The following ENTREP2 variants were observed in gnomAD, a reference collection of about 807,000 sequenced individuals.
The protein encoded by ENTREP2 is protein ENTREP2.
the ENTREP2 span, among the ~76,000 whole-genome samples, chr15:29,382,964 C>T: frequency 1.3e-5 from 2 of 152,170 alleles, no homozygotes; most frequent in African/African-American, 4.8e-5. Flanking sequence ...GGCTGAGGCT[C>T]CCTCCCATCT....
At chr15:29,182,006 G>A in the ENTREP2 span, among the ~76,000 whole-genome samples, 41 of 151,962 alleles carry the variant, frequency 2.7e-4, no homozygotes, top group Non-Finnish European at 5.3e-4. Context: ...TCAATGTGAA[G>A]ACTGGAAAAG....
At chr15:29,624,871 T>TTGTGTGTG in the ENTREP2 span, among the ~76,000 whole-genome samples, 2,109 of 143,674 alleles carry the variant, frequency 0.015, 40 homozygotes, top group African/African-American at 0.042. Flanking sequence ...CTGCATTAAT[T>TTGTGTGTG]TGTGTGTGTG....
chr15:29,518,384 T>C, the ENTREP2 span, among the ~76,000 whole-genome samples: 1 of 152,188 alleles, frequency 6.6e-6, no homozygotes, highest in African/African-American at 2.4e-5. Context: ...GAATGTTTTA[T>C]AGCAGGTATT....
At chr15:29,650,435 A>C in the ENTREP2 span, among the ~76,000 whole-genome samples, 1 of 152,046 alleles carries the variant, frequency 6.6e-6, no homozygotes, top group Admixed American at 6.6e-5. Flanking sequence ...TCTACTAAAA[A>C]TACAAAAATT....
the ENTREP2 span, among the ~76,000 whole-genome samples, chr15:29,183,270 G>A: frequency 1.3e-5 from 2 of 152,186 alleles, no homozygotes; most frequent in African/African-American, 4.8e-5. Flanking sequence ...CAGGGAGTTA[G>A]CAGATCAAAA....
At chr15:29,579,712 TTTTTTTTTTTTTTTTTG>T in the ENTREP2 span, among the ~76,000 whole-genome samples, 2 of 42,870 alleles carry the variant, frequency 4.7e-5, no homozygotes, top group African/African-American at 1.4e-4. Context: ...TTTTTTTTTT[TTTTTTTTTTTTTTTTTG>T]AGACGGAGTC....
At chr15:29,164,040 C>A in the ENTREP2 span, among the ~76,000 whole-genome samples, 4 of 152,134 alleles carry the variant, frequency 2.6e-5, no homozygotes, top group Non-Finnish European at 5.9e-5. Context: ...CGATTATCAG[C>A]TAAGAATTTT....
the ENTREP2 span, among the ~76,000 whole-genome samples, chr15:29,261,187 A>G: frequency 6.6e-6 from 1 of 152,164 alleles, no homozygotes; most frequent in Non-Finnish European, 1.5e-5. Flanking sequence ...CCAGCCTGAG[A>G]TACATGGCAA....
the ENTREP2 span, chr15:29,570,500 C>T: frequency 5.9e-6 from 8 of 1,350,214 alleles, no homozygotes; most frequent in Non-Finnish European, 7.6e-6. Context: ...GTCGCGGACA[C>T]TCACCGAGAA....
At chr15:29,595,403 T>C in the ENTREP2 span, among the ~76,000 whole-genome samples, 1 of 152,202 alleles carries the variant, frequency 6.6e-6, no homozygotes, top group Non-Finnish European at 1.5e-5. Context: ...TCTGGTAGAT[T>C]TGTCACAATC....
chr15:29,416,632 C>A, the ENTREP2 span, among the ~76,000 whole-genome samples: 5 of 151,972 alleles, frequency 3.3e-5, no homozygotes, highest in African/African-American at 1.2e-4. Flanking sequence ...GCAACAAAAG[C>A]CAAAATTGAC....
At chr15:29,457,140 G>A in the ENTREP2 span, among the ~76,000 whole-genome samples, 1 of 152,120 alleles carries the variant, frequency 6.6e-6, no homozygotes, top group Non-Finnish European at 1.5e-5. Context: ...AAAGGAGCAC[G>A]ACTTCCCAAA....
the ENTREP2 span, chr15:29,118,327 G>C: frequency 1.3e-5 from 2 of 152,338 alleles, no homozygotes; most frequent in Non-Finnish European, 2.9e-5. Context: ...CCGTGTGTGT[G>C]ACTGGTCTGT....
chr15:29,159,426 G>A, the ENTREP2 span, among the ~76,000 whole-genome samples: 68,924 of 151,724 alleles, frequency 0.45, 18,291 homozygotes, highest in East Asian at 0.68. Flanking sequence ...AGCTTCCACA[G>A]CATAGAAAAG....
the ENTREP2 span, among the ~76,000 whole-genome samples, chr15:29,651,379 G>A: frequency 3.9e-5 from 6 of 152,182 alleles, no homozygotes; most frequent in Non-Finnish European, 7.4e-5. Flanking sequence ...GAGACATTCT[G>A]GAAAGGATCC....
the ENTREP2 span, among the ~76,000 whole-genome samples, chr15:29,522,255 A>G: frequency 6.6e-6 from 1 of 152,260 alleles, no homozygotes; most frequent in South Asian, 2.1e-4. Flanking sequence ...ACAAAATTTT[A>G]AATGTGGCAT....
At chr15:29,583,430 C>T in the ENTREP2 span, among the ~76,000 whole-genome samples, 1 of 152,040 alleles carries the variant, frequency 6.6e-6, no homozygotes, top group Non-Finnish European at 1.5e-5. Context: ...CGAGTGGGAG[C>T]TGAACAATGA....
chr15:29,249,438 T>G, the ENTREP2 span, among the ~76,000 whole-genome samples: 1 of 152,164 alleles, frequency 6.6e-6, no homozygotes, highest in African/African-American at 2.4e-5. Flanking sequence ...TACCCATACA[T>G]CCATATACAC....
chr15:29,219,220 A>T, the ENTREP2 span, among the ~76,000 whole-genome samples: 1 of 152,202 alleles, frequency 6.6e-6, no homozygotes, highest in Admixed American at 6.5e-5. Flanking sequence ...AATGCTCAAC[A>T]TCATTAGTCA....
Sources: allele counts gnomAD v4.1 joint callset (sites outside exome capture counted in the v4.1 genomes callset), GRCh38; gene constraint gnomAD v4.1.1; transcripts MANE v1.5; gene names NCBI Gene and HGNC (gene_info 2026-07-23, HGNC 2026-07-21).